NNT: variants seen among roughly 807,000 people sequenced by gnomAD.
The protein encoded by NNT is nicotinamide nucleotide transhydrogenase.
NNT carries 50 observed loss-of-function variants against 104.8 expected under a neutral mutation model. That is an observed-to-expected ratio of 0.48 (90% CI 0.38 to 0.60). NNT has a LOEUF of 0.60. NNT is among the 20% of genes least tolerant of loss of function. The pLI, the probability that NNT is intolerant of heterozygous loss-of-function variation, is 0.00. For missense variants in NNT, 1,131 were observed against 1,330.7 expected, an observed-to-expected ratio of 0.85 and a Z score of 2.33; for synonymous variants, 461 against 490.4, an observed-to-expected ratio of 0.94 and a Z score of 0.79.
intron 3 of NNT, 86 bp from the exon 4 acceptor site, chr5:43,615,762 T>C: frequency 1.0e-6 from 1 of 964,620 alleles, no homozygotes; most frequent in East Asian, 2.6e-5. Context: ...ATTTCAGTCA[T>C]GGCATATTAT....
intron 3 of NNT, among the ~76,000 whole-genome samples, chr5:43,615,306 T>G (rs147315136): frequency 1.3e-5 from 2 of 152,362 alleles, no homozygotes; most frequent in Non-Finnish European, 2.9e-5. Context: ...AGGTTACTAG[T>G]GTGAATTGTG....
intron 17 of NNT, among the ~76,000 whole-genome samples, chr5:43,666,443 CCAGT>C (rs1222430080): frequency 6.6e-6 from 1 of 152,178 alleles, no homozygotes; most frequent in African/African-American, 2.4e-5. Flanking sequence ...AATACGAAAA[CCAGT>C]CAGGCGTGGC....
At chr5:43,698,408 G>A (rs1742674994) in intron 19 of NNT, among the ~76,000 whole-genome samples, 1 of 152,016 alleles carries the variant, frequency 6.6e-6, no homozygotes, top group African/African-American at 2.4e-5. Context: ...TAGGTGAATT[G>A]ATGTGTCTAC....
rs1452045555 is a variant in NNT, at chr5:43,627,887, C to T, written c.777-313C>T. ...AAATCCTGATGTATATGAGGTATCA[C>T]ATCATCATCCACATCGGGGTCATAA... On this transcript the variant is annotated intron_variant, in intron 6 of 21. Coordinates refer to ENST00000344920, the MANE Select transcript of NNT (RefSeq NM_182977.3). Among the ~76,000 whole-genome samples, 3 of 152,154 alleles carry T rather than the reference C, an allele frequency of 2.0e-5. No homozygotes were observed. The East Asian group carries it at 5.8e-4, about 29-fold the overall frequency.
chr5:43,659,423 T>C (rs945006828), intron 17 of NNT, 73 bp downstream of exon 17: 2 of 1,264,274 alleles, frequency 1.6e-6, no homozygotes, highest in Non-Finnish European at 2.2e-6. Context: ...TCATTTCTTT[T>C]ATTACCCATA....
At chr5:43,697,526 A>G (rs1202648777) in intron 19 of NNT, among the ~76,000 whole-genome samples, 4 of 152,174 alleles carry the variant, frequency 2.6e-5, no homozygotes, top group Admixed American at 2.6e-4. Flanking sequence ...ATTTTTGAGT[A>G]TCTTTTCAGC....
intron 19 of NNT, among the ~76,000 whole-genome samples, chr5:43,696,426 C>T (rs1443138840): frequency 6.6e-6 from 1 of 152,188 alleles, no homozygotes; most frequent in Non-Finnish European, 1.5e-5. Context: ...TCCCTCCTGG[C>T]TGCTTTCATG....
At position 43,649,159 on chromosome 5, in the gene NNT, T is replaced by C. The variant is rs1739615693; in HGVS notation, c.1457T>C (p.Ile486Thr). 1.2e-6 allele frequency: 2 copies of C among 1,614,076 alleles called. No individual in the cohort carries two copies. Among genetic ancestry groups the C allele is most frequent in the South Asian group, 2.2e-5 (2 of 91,090 alleles). Residue 486 changes from isoleucine (I) to threonine (T), a missense_variant, in exon 11 of 22, where the codon ATA becomes ACA. Transcript: ENST00000344920. ...ASAYTAGLTG[I>T]LGLGIAAPNL... ...TCTCTTTCTCTAGGTCTCACAGGGA[T>C]ACTGGGTTTGGGCATTGCGGCTCCC...
intron 19 of NNT, among the ~76,000 whole-genome samples, chr5:43,680,362 AC>A (rs1254277001): frequency 1.2e-4 from 18 of 152,086 alleles, no homozygotes; most frequent in Non-Finnish European, 2.2e-4. Flanking sequence ...ATCTGTATTT[AC>A]AGTTTGCAGT....
Position 43,607,150 on chromosome 5 carries a change from C to T in NNT, c.-53-1993C>T, listed in dbSNP as rs145657742. ...TCATGAGTAGCTGGGACTACAGGTG[C>T]GCACCATCACTCCTGTCAGGACTCT... On this transcript the variant is annotated intron_variant, in intron 1 of 21. Coordinates refer to ENST00000344920, the MANE Select transcript of NNT (RefSeq NM_182977.3). Among the ~76,000 whole-genome samples, 1,187 of 152,026 alleles carry T rather than the reference C, an allele frequency of 7.8e-3. 8 individuals are homozygous for T. The highest frequency in any genetic ancestry group is 0.026 in the African/African-American group (1,081 of 41,452).
intron 19 of NNT, among the ~76,000 whole-genome samples, chr5:43,686,553 T>C (rs911449412): frequency 5.3e-5 from 8 of 152,058 alleles, no homozygotes; most frequent in Non-Finnish European, 7.4e-5. Flanking sequence ...TTTACTGGCA[T>C]TACAAGATAA....
chr5:43,648,713 C>T (rs1189484640), intron 10 of NNT, among the ~76,000 whole-genome samples: 2 of 152,038 alleles, frequency 1.3e-5, no homozygotes, highest in Non-Finnish European at 2.9e-5. Context: ...CATAAAATTG[C>T]CTTCATAAAA....
chr5:43,678,466 A>G (rs907149307), intron 19 of NNT, among the ~76,000 whole-genome samples: 2 of 152,196 alleles, frequency 1.3e-5, no homozygotes, highest in East Asian at 3.8e-4. Flanking sequence ...CTCATTTTAG[A>G]AAAGGAAAAT....
At chr5:43,604,170 A>G (rs891659143) in intron 1 of NNT, among the ~76,000 whole-genome samples, 2 of 152,116 alleles carry the variant, frequency 1.3e-5, no homozygotes, top group East Asian at 3.9e-4. Context: ...TCTCGCTTTT[A>G]AAAGCGTGAC....
intron 19 of NNT, among the ~76,000 whole-genome samples, chr5:43,681,761 T>A (rs1741732034): frequency 6.6e-6 from 1 of 152,224 alleles, no homozygotes; most frequent in Non-Finnish European, 1.5e-5. Flanking sequence ...TTCTGCTATA[T>A]CCTTCTACTA....
rs552047589 is a variant in NNT at position 43,680,876 on chromosome 5, G to A, written c.2876+3070G>A. Among the ~76,000 whole-genome samples, 9 of 152,072 alleles carry A rather than the reference G, an allele frequency of 5.9e-5. No individual in the cohort carries two copies. In the Middle Eastern group the frequency reaches 0.01, roughly 172 times the overall value. ...AAGGATTTTATGACAACAATCTTAC[G>A]ACGTAAGAGCCACAGATATTTTGTC... is the stretch of plus-strand genomic sequence containing the variant. On this transcript the variant is annotated intron_variant, in intron 19 of 21. Transcript: ENST00000344920.
At chr5:43,656,204 G>A in intron 15 of NNT, 131 bp downstream of exon 15, 2 of 754,860 alleles carry the variant, frequency 2.6e-6, no homozygotes, top group Non-Finnish European at 4.3e-6. Context: ...CACTTTGGGA[G>A]GCTGAGGTGG....
chr5:43,657,357 G>A (rs576714273), intron 16 of NNT, among the ~76,000 whole-genome samples: 18 of 152,304 alleles, frequency 1.2e-4, no homozygotes, highest in African/African-American at 3.8e-4. Flanking sequence ...TTTATATTTA[G>A]TGTATTGAAA....
Position 43,631,969 on chromosome 5 carries a change from G to GAAAA in NNT, c.964+3598_964+3601dup, listed in dbSNP as rs34558570. ...GAAAAAGGCCTTCAGTTTCTTTTGG[G>GAAAA]AAAAAAAAAAAAAAAAAAAGGGAAG... is the stretch of plus-strand genomic sequence containing the variant. On this transcript the variant is annotated intron_variant, in intron 7 of 21. Transcript: ENST00000344920. 3.9e-4 allele frequency among the ~76,000 whole-genome samples: 40 copies of GAAAA among 102,888 alleles called. No homozygotes were observed. The East Asian group carries it at 0.01, about 26-fold the overall frequency. 67.5% of individuals were successfully genotyped at this position (102,888 alleles called of 152,430 possible).
Sources: gnomAD v4.1 joint callset for allele counts (sites outside exome capture counted in the v4.1 genomes callset) on GRCh38, gnomAD v4.1.1 for gene constraint, MANE v1.5 for transcripts, NCBI Gene and HGNC (gene_info 2026-07-23, HGNC 2026-07-21) for gene names.